Variants in PTAR1 observed in about 807,000 individuals in gnomAD.
PTAR1 encodes the protein protein prenyltransferase alpha subunit repeat-containing protein 1.
PTAR1 carries 17 observed loss-of-function variants against 45.5 expected under a neutral mutation model. That is an observed-to-expected ratio of 0.37 (90% confidence interval 0.26 to 0.56). The LOEUF (loss-of-function observed/expected upper bound fraction) is 0.56, where lower values mean the gene tolerates loss of function less well. Ranked by LOEUF, PTAR1 falls within the 20% of genes least tolerant of loss-of-function variation. The probability of loss-of-function intolerance (pLI) is 0.77; values close to 1 mark genes in which losing one functional copy is unlikely to be tolerated. For missense variants in PTAR1, 391 were observed against 476.3 expected (o/e 0.82, Z 1.67); for synonymous variants, 169 against 171.3 (o/e 0.99, Z 0.11).
chr9:69,751,158 ACTGGTCTTGC>A (rs1395427515), intron 1 of PTAR1, among the ~76,000 whole-genome samples: 1 of 152,038 alleles, frequency 6.6e-6, no homozygotes, highest in Non-Finnish European at 1.5e-5. Context: ...AGGAGTGAAA[ACTGGTCTTGC>A]CTTTGGATGG....
At chr9:69,729,814 A>C (rs574858645) in intron 5 of PTAR1, among the ~76,000 whole-genome samples, 1 of 152,320 alleles carries the variant, frequency 6.6e-6, no homozygotes, top group Admixed American at 6.5e-5. Flanking sequence ...TTTATGATGA[A>C]TTCCTGGAAG....
rs763524865 is a variant in PTAR1 at position 69,717,618 on chromosome 9, T to C, written c.*724A>G. 2 of 152,236 alleles carry C rather than the reference T, an allele frequency of 1.3e-5. No individual in the cohort carries two copies. The highest frequency in any genetic ancestry group is 4.8e-5 in the African/African-American group (2 of 41,474). 9.4% of individuals were successfully genotyped at this position (152,236 alleles called of 1,614,324 possible). Reference sequence around the variant, plus strand: ...GAGAACTAGTTTACATTTTTAAACATTCGCCCATCTAGCCATTTGATTCTC... The same window carrying C: ...GAGAACTAGTTTACATTTTTAAACACTCGCCCATCTAGCCATTTGATTCTC... On this transcript the variant is annotated 3_prime_UTR_variant, in exon 8 of 8. Coordinates refer to ENST00000340434, the MANE Select transcript of PTAR1 (RefSeq NM_001099666.2).
intron 1 of PTAR1, among the ~76,000 whole-genome samples, chr9:69,752,267 A>G (rs530813400): frequency 1.3e-5 from 2 of 152,244 alleles, no homozygotes; most frequent in South Asian, 2.1e-4. Context: ...GTTGAATTAC[A>G]AAGTAGGAGA....
At chr9:69,751,850 T>A (rs1165398188) in intron 1 of PTAR1, among the ~76,000 whole-genome samples, 3 of 152,152 alleles carry the variant, frequency 2.0e-5, no homozygotes, top group Admixed American at 2.0e-4. Context: ...TATCCCTCAA[T>A]CCACCTCAAC....
At chr9:69,734,006 A>G in intron 4 of PTAR1, 144 bp downstream of exon 4, 3 of 571,308 alleles carry the variant, frequency 5.3e-6, no homozygotes, top group Non-Finnish European at 9.3e-6. Context: ...CAAGTTATAT[A>G]GCTCCTAGAT....
chr9:69,725,657 T>C (rs925245928), intron 5 of PTAR1, among the ~76,000 whole-genome samples: 14 of 151,924 alleles, frequency 9.2e-5, no homozygotes, highest in African/African-American at 3.1e-4. Flanking sequence ...TCTTAGGCTT[T>C]TAAAGAGAAA....
In PTAR1 at chr9:69,732,021, C is replaced by A; in HGVS notation, c.642+118G>T. The A allele has an allele frequency of 4.4e-6, 3 of 688,102 alleles. 1 individual carries two copies. The highest frequency in any genetic ancestry group is 3.8e-5 in the South Asian group (2 of 52,894). 42.6% of individuals were successfully genotyped at this position (688,102 alleles called of 1,614,324 possible). A position where few individuals can be genotyped will look rare whatever the true frequency, so the allele number is the denominator to read the frequency against. On this transcript the variant is annotated intron_variant, in intron 5 of 7. Transcript: ENST00000340434. The stretch of plus-strand genomic sequence containing the variant: ...CAGAGGTAGCAGCTGTTGCGATTCT[C>A]TCAAGTTGCCAGACCATCAGTTTCT...
Position 69,732,125 on chromosome 9 carries a change from A to G in PTAR1, c.642+14T>C, listed in dbSNP as rs773778071. On this transcript the variant is annotated intron_variant, in intron 5 of 7. Transcript: ENST00000340434. Reference sequence around the variant, plus strand: ...CAGACAGGCAGTCTGCCCAGGAGACAGTAATATTCCTACCTTGACATCTAG... The same window carrying G: ...CAGACAGGCAGTCTGCCCAGGAGACGGTAATATTCCTACCTTGACATCTAG... 6.3e-7 allele frequency: 1 copy of G among 1,591,114 alleles called. No homozygotes were observed. The highest frequency in any genetic ancestry group is 8.6e-7 in the Non-Finnish European group (1 of 1,160,968).
Position 69,712,562 on chromosome 9 carries a change from T to G in PTAR1, c.*5780A>C, listed in dbSNP as rs1171468841. On this transcript the variant is annotated 3_prime_UTR_variant, in exon 8 of 8. Coordinates refer to ENST00000340434, the MANE Select transcript of PTAR1 (RefSeq NM_001099666.2). ...ATGATGATATGATAGCTAAGCTAGT[T>G]TTATCTTTCTAGCTTTTATCAACTC... is the stretch of plus-strand genomic sequence containing the variant. 2 of 152,162 alleles carry G rather than the reference T, an allele frequency of 1.3e-5. No homozygotes were observed. The highest frequency in any genetic ancestry group is 1.3e-4 in the Admixed American group (2 of 15,262). The allele number at this position is 152,162 out of a possible 1,614,324, so 9.4% of individuals were successfully genotyped here.
In PTAR1 at chr9:69,741,739, T is replaced by A. The variant is rs1187614122; in HGVS notation, c.323+53A>T. ...AAGCTAACAACTTATGGGGCTTACA[T>A]GTCTTCAGAAATTTGGACAAACTTT... On this transcript the variant is annotated intron_variant, in intron 3 of 7. Coordinates refer to ENST00000340434, the MANE Select transcript of PTAR1 (RefSeq NM_001099666.2). The A allele has an allele frequency of 2.5e-6, 3 of 1,207,348 alleles. No homozygotes were observed. In the South Asian group the frequency reaches 3.9e-5, roughly 16 times the overall value. 74.8% of individuals were successfully genotyped at this position (1,207,348 alleles called of 1,614,324 possible). A position where few individuals can be genotyped will look rare whatever the true frequency, so the allele number is the denominator to read the frequency against.
At position 69,759,904 on chromosome 9, in the gene PTAR1, A is replaced by C. The variant is rs781265092; in HGVS notation, c.35T>G (p.Val12Gly). 13 of 1,526,996 alleles carry C rather than the reference A, an allele frequency of 8.5e-6. No homozygotes were observed. In the Admixed American group the frequency reaches 2.4e-4, roughly 29 times the overall value. 94.6% of individuals were successfully genotyped at this position (1,526,996 alleles called of 1,614,324 possible). ...AETSEEVAVL[V>G]QRVVKDITNA... ...AGTGATGTCCTTCACAACCCGCTGC[A>C]CCAGCACCGCCACCTCCTCGCTGGT... Residue 12 changes from valine to glycine, a missense_variant, in exon 1 of 8, where the codon GTG (valine) becomes GGG (glycine). Physicochemically the swap from Val to Gly is moderately radical, Grantham distance 109 (BLOSUM62 -3). Coordinates refer to ENST00000340434, the MANE Select transcript of PTAR1 (RefSeq NM_001099666.2).
chr9:69,714,275 A>T lies in PTAR1; in HGVS notation c.*4067T>A, dbSNP rs997078218. 25 of 152,238 alleles carry T rather than the reference A, an allele frequency of 1.6e-4. No homozygotes were observed. Among genetic ancestry groups the T allele is most frequent in the African/African-American group, 5.5e-4 (23 of 41,566 alleles). 9.4% of individuals were successfully genotyped at this position (152,238 alleles called of 1,614,324 possible). On this transcript the variant is annotated 3_prime_UTR_variant, in exon 8 of 8. Transcript: ENST00000340434. Reference sequence around the variant, plus strand: ...TTCTAGCATACTTTAAATATCTGTAAGTTTTAAAATATAATTTTCCAGTAG... The same window carrying T: ...TTCTAGCATACTTTAAATATCTGTATGTTTTAAAATATAATTTTCCAGTAG...
At chr9:69,735,370 A>G (rs549034953) in intron 3 of PTAR1, among the ~76,000 whole-genome samples, 12 of 152,176 alleles carry the variant, frequency 7.9e-5, no homozygotes, top group Non-Finnish European at 1.6e-4. Context: ...GATTACTTAT[A>G]ATACCTAATA....
At chr9:69,720,129 G>T (rs1022421125) in intron 6 of PTAR1, among the ~76,000 whole-genome samples, 1 of 152,236 alleles carries the variant, frequency 6.6e-6, no homozygotes, top group African/African-American at 2.4e-5. Flanking sequence ...ATTAAGCTAA[G>T]TGAGGAAGGC....
intron 2 of PTAR1, among the ~76,000 whole-genome samples, chr9:69,744,079 A>G (rs552572035): frequency 8.3e-4 from 127 of 152,328 alleles, no homozygotes; most frequent in African/African-American, 3.0e-3. Context: ...ATACCAGAGC[A>G]TGACTACAAC....
chr9:69,746,730 A>G (rs1168477776), intron 2 of PTAR1, among the ~76,000 whole-genome samples: 1 of 152,246 alleles, frequency 6.6e-6, no homozygotes, highest in African/African-American at 2.4e-5. Flanking sequence ...CATTATACAT[A>G]GAAAAGTAGC....
chr9:69,733,886 G>GT (rs1415429802), intron 4 of PTAR1, among the ~76,000 whole-genome samples: 22 of 152,172 alleles, frequency 1.4e-4, no homozygotes, highest in African/African-American at 5.3e-4. Context: ...ATTAACTCAC[G>GT]TAAACTTGAC....
At chr9:69,750,564 A>C (rs1352145636) in intron 2 of PTAR1, among the ~76,000 whole-genome samples, 1 of 151,394 alleles carries the variant, frequency 6.6e-6, no homozygotes, top group East Asian at 2.0e-4. Context: ...GTGCCCTGAA[A>C]TTCTGCTTGA....
intron 5 of PTAR1, among the ~76,000 whole-genome samples, chr9:69,728,027 T>C (rs1825366294): frequency 6.6e-6 from 1 of 152,164 alleles, no homozygotes; most frequent in African/African-American, 2.4e-5. Context: ...ATTCTGAACA[T>C]GTTATATAAA....
Sources: gnomAD v4.1 joint callset for allele counts (sites outside exome capture counted in the v4.1 genomes callset) on GRCh38, gnomAD v4.1.1 for gene constraint, MANE v1.5 for transcripts, NCBI Gene and HGNC (gene_info 2026-07-23, HGNC 2026-07-21) for gene names.